The following GRIA2 variants were observed in gnomAD, a reference collection of about 807,000 sequenced individuals.
GRIA2 encodes glutamate ionotropic receptor AMPA type subunit 2, also known as glutamate receptor 2.
Under a neutral mutation model 97.3 loss-of-function variants are expected in GRIA2, and 14 were observed. That is an observed-to-expected ratio of 0.14 (90% CI 0.10 to 0.23). The LOEUF (loss-of-function observed/expected upper bound fraction) is 0.23. Ranked by LOEUF, GRIA2 falls within the 10% of genes least tolerant of loss-of-function variation. The pLI, the probability that GRIA2 is intolerant of heterozygous loss-of-function variation, is 1.00. For synonymous variants in GRIA2, 412 were observed against 387.8 expected (o/e 1.06, Z -0.73); for missense variants, 558 against 1,069.8 (o/e 0.52, Z 6.67).
At chr4:157,346,278 T>C (rs1417833099) in intron 12 of GRIA2, among the ~76,000 whole-genome samples, 1 of 152,146 alleles carries the variant, frequency 6.6e-6, no homozygotes, top group Non-Finnish European at 1.5e-5. Flanking sequence ...TGCTATTTCA[T>C]TAAAGTCACA....
At chr4:157,325,488 A>G (rs1477471108) in intron 6 of GRIA2, among the ~76,000 whole-genome samples, 1 of 152,172 alleles carries the variant, frequency 6.6e-6, no homozygotes, top group Non-Finnish European at 1.5e-5. Context: ...AGAAAAGACA[A>G]AGTTCTGGCC....
intron 2 of GRIA2, among the ~76,000 whole-genome samples, chr4:157,235,999 G>T (rs1416307447): frequency 6.6e-6 from 1 of 151,956 alleles, no homozygotes; most frequent in Non-Finnish European, 1.5e-5. Context: ...TGTTAAAACA[G>T]ATTTTATATA....
intron 2 of GRIA2, among the ~76,000 whole-genome samples, chr4:157,226,492 C>A (rs1218861240): frequency 6.6e-6 from 1 of 151,908 alleles, no homozygotes; most frequent in Non-Finnish European, 1.5e-5. Context: ...AGAGAGAATT[C>A]TAAAATTATA....
In GRIA2 at chr4:157,303,798, G is replaced by T; in HGVS notation, c.469+7G>T. The T allele has an allele frequency of 1.2e-6, 2 of 1,613,106 alleles. No homozygotes were observed. Among genetic ancestry groups the T allele is most frequent in the South Asian group, 2.2e-5 (2 of 91,036 alleles). On this transcript the variant is annotated splice_region_variant and intron_variant, in intron 3 of 15. Transcript: ENST00000264426. Reference sequence around the variant, plus strand: ...CTCTATGACAGTGACAGAGGTAAGTGACAGTATCTCATCTCTTTGTAATGG... The same window carrying T: ...CTCTATGACAGTGACAGAGGTAAGTTACAGTATCTCATCTCTTTGTAATGG...
At chr4:157,240,397 T>A (rs763235243) in intron 2 of GRIA2, among the ~76,000 whole-genome samples, 1 of 152,124 alleles carries the variant, frequency 6.6e-6, no homozygotes, top group Non-Finnish European at 1.5e-5. Context: ...CCACAAAAAT[T>A]TTTGAAATAT....
At chr4:157,332,575 CTA>C (rs1362032032) in intron 6 of GRIA2, among the ~76,000 whole-genome samples, 2 of 151,526 alleles carry the variant, frequency 1.3e-5, no homozygotes, top group African/African-American at 4.8e-5. Context: ...ATGAAAAGGT[CTA>C]ACCTGAAACA....
chr4:157,338,259 G>T (rs1249296517), intron 11 of GRIA2, among the ~76,000 whole-genome samples: 1 of 151,680 alleles, frequency 6.6e-6, no homozygotes, highest in Non-Finnish European at 1.5e-5. Context: ...GAACAATGAA[G>T]TATGTTACCC....
chr4:157,254,498 G>C (rs966200125), intron 2 of GRIA2, among the ~76,000 whole-genome samples: 7 of 152,012 alleles, frequency 4.6e-5, no homozygotes, highest in Non-Finnish European at 1.0e-4. Context: ...AGTCCGGAAA[G>C]AGCCCCTGAA....
chr4:157,246,881 T>C (rs933267059), intron 2 of GRIA2, among the ~76,000 whole-genome samples: 1 of 152,176 alleles, frequency 6.6e-6, no homozygotes, highest in Admixed American at 6.6e-5. Context: ...TACTTGTTCA[T>C]TTTTCATTTT....
intron 3 of GRIA2, among the ~76,000 whole-genome samples, chr4:157,310,749 A>T (rs1734044266): frequency 6.6e-6 from 1 of 152,084 alleles, no homozygotes; most frequent in South Asian, 2.1e-4. Context: ...AGTTAACATA[A>T]TTTTTAAGAC....
At chr4:157,313,113 AC>A (rs1267674853) in intron 4 of GRIA2, among the ~76,000 whole-genome samples, 1 of 152,032 alleles carries the variant, frequency 6.6e-6, no homozygotes, top group Non-Finnish European at 1.5e-5. Context: ...ATAATTCCTG[AC>A]TTTTATGTTT....
intron 2 of GRIA2, among the ~76,000 whole-genome samples, chr4:157,267,230 C>T (rs1355856041): frequency 1.3e-5 from 2 of 151,490 alleles, no homozygotes; most frequent in South Asian, 4.2e-4. Flanking sequence ...TTGAGACCAG[C>T]CTGGCCAATA....
chr4:157,284,600 C>G (rs144171498), intron 2 of GRIA2, among the ~76,000 whole-genome samples: 2 of 151,750 alleles, frequency 1.3e-5, no homozygotes, highest in African/African-American at 2.4e-5. Flanking sequence ...CTCCATGTAA[C>G]TCATATCTCA....
intron 6 of GRIA2, among the ~76,000 whole-genome samples, chr4:157,327,903 G>A (rs1190846914): frequency 1.3e-5 from 2 of 151,998 alleles, no homozygotes; most frequent in East Asian, 3.9e-4. Flanking sequence ...GTACCCTAGT[G>A]GCCTAATAGA....
At chr4:157,348,718 G>T (rs1735873561) in intron 12 of GRIA2, among the ~76,000 whole-genome samples, 1 of 151,994 alleles carries the variant, frequency 6.6e-6, no homozygotes. Flanking sequence ...TTTAGTCTAT[G>T]TTGCTTCTTT....
intron 4 of GRIA2, among the ~76,000 whole-genome samples, chr4:157,317,442 A>G (rs184700576): frequency 6.6e-6 from 1 of 152,184 alleles, no homozygotes; most frequent in African/African-American, 2.4e-5. Flanking sequence ...CTGAAAGAGA[A>G]TCATTTATTA....
At chr4:157,261,378 A>G (rs1163845479) in intron 2 of GRIA2, among the ~76,000 whole-genome samples, 1 of 152,106 alleles carries the variant, frequency 6.6e-6, no homozygotes, top group Non-Finnish European at 1.5e-5. Flanking sequence ...GGTCTCTATA[A>G]TATTTGTCTA....
chr4:157,287,675 TTCCA>T (rs1247320081), intron 2 of GRIA2, among the ~76,000 whole-genome samples: 3 of 151,696 alleles, frequency 2.0e-5, no homozygotes, highest in African/African-American at 7.2e-5. Context: ...TGACTTTTGT[TTCCA>T]CTCAGAGCAG....
chr4:157,284,772 C>T (rs1265133146), intron 2 of GRIA2, among the ~76,000 whole-genome samples: 1 of 151,704 alleles, frequency 6.6e-6, no homozygotes, highest in Non-Finnish European at 1.5e-5. Flanking sequence ...AATTCTTCAG[C>T]ACTTAATATT....
Sources: gnomAD v4.1 joint callset for allele counts (sites outside exome capture counted in the v4.1 genomes callset) on GRCh38, gnomAD v4.1.1 for gene constraint, MANE v1.5 for transcripts, NCBI Gene and HGNC (gene_info 2026-07-23, HGNC 2026-07-21) for gene names.